SLC12A2: variants seen among roughly 807,000 people sequenced by gnomAD.
The protein encoded by SLC12A2 is solute carrier family 12 member 2.
SLC12A2 carries 67 observed loss-of-function variants against 136.3 expected under a neutral mutation model. The ratio of observed to expected loss-of-function variants is 0.49; its 90% CI spans 0.40 to 0.60. The LOEUF is 0.60. Among genes scored for constraint, SLC12A2 ranks in the 20% least tolerant of loss-of-function variants. The probability of loss-of-function intolerance (pLI) is 0.00; values close to 1 mark genes in which losing one functional copy is unlikely to be tolerated. For synonymous variants in SLC12A2, 619 were observed against 562.9 expected, an observed-to-expected ratio of 1.10 and a Z score of -1.41; for missense variants, 1,322 against 1,534.7, an observed-to-expected ratio of 0.86 and a Z score of 2.32.
chr5:128,110,083 A>C, intron 1 of SLC12A2: 1 of 949,694 alleles, frequency 1.1e-6, no homozygotes, highest in East Asian at 2.4e-5. Flanking sequence ...AACAAAGTTT[A>C]TATCAAGTCT....
chr5:128,177,957 A>G (rs1763585148), intron 21 of SLC12A2, among the ~76,000 whole-genome samples: 1 of 152,188 alleles, frequency 6.6e-6, no homozygotes, highest in Non-Finnish European at 1.5e-5. Flanking sequence ...TCTGTGGTTC[A>G]GAGAAAGATG....
chr5:128,109,399 G>A (rs1761062654), intron 1 of SLC12A2: 2 of 332,326 alleles, frequency 6.0e-6, no homozygotes, highest in Admixed American at 8.1e-5. Flanking sequence ...ATTGGCCGGT[G>A]TGCCCCTGCC....
At chr5:128,135,829 A>C in intron 7 of SLC12A2, 21 bp downstream of exon 7, 2 of 1,274,354 alleles carry the variant, frequency 1.6e-6, no homozygotes, top group South Asian at 1.2e-5. Flanking sequence ...AAGATTCAAT[A>C]TTTTTTAAGG....
At chr5:128,085,508 A>G (rs1277193883) in intron 1 of SLC12A2, among the ~76,000 whole-genome samples, 1 of 152,052 alleles carries the variant, frequency 6.6e-6, no homozygotes, top group Non-Finnish European at 1.5e-5. Flanking sequence ...TTTTGTAACT[A>G]TTTTTTATGG....
intron 4 of SLC12A2, among the ~76,000 whole-genome samples, chr5:128,118,769 A>T (rs928051678): frequency 4.6e-5 from 7 of 152,192 alleles, no homozygotes; most frequent in Admixed American, 2.0e-4. Flanking sequence ...CTTTTACTTG[A>T]TAAGAATACC....
chr5:128,147,133 TA>T (rs1435618040), intron 10 of SLC12A2, among the ~76,000 whole-genome samples: 1 of 149,656 alleles, frequency 6.7e-6, no homozygotes, highest in Non-Finnish European at 1.5e-5. Context: ...TTTTAAAAGA[TA>T]AGAAAGGACA....
chr5:128,095,602 C>A (rs1441569795), intron 1 of SLC12A2, among the ~76,000 whole-genome samples: 1 of 152,084 alleles, frequency 6.6e-6, no homozygotes, highest in Non-Finnish European at 1.5e-5. Context: ...AACCTGCGGG[C>A]CACATGTGGC....
At chr5:128,127,287 A>T (rs1044830230) in intron 4 of SLC12A2, among the ~76,000 whole-genome samples, 2 of 151,236 alleles carry the variant, frequency 1.3e-5, no homozygotes, top group African/African-American at 4.9e-5. Context: ...ACGCCCAGCT[A>T]ATTTTTTGTA....
intron 4 of SLC12A2, among the ~76,000 whole-genome samples, chr5:128,125,037 C>G (rs1175926769): frequency 6.6e-6 from 1 of 152,162 alleles, no homozygotes; most frequent in African/African-American, 2.4e-5. Flanking sequence ...ATATATATTT[C>G]TTCTTACATC....
chr5:128,112,732 A>G (rs1761199055), intron 1 of SLC12A2, 82 bp from the exon 2 acceptor site: 5 of 1,044,322 alleles, frequency 4.8e-6, no homozygotes, highest in Non-Finnish European at 7.1e-6. Flanking sequence ...ATATGGTTAG[A>G]TGTATTTAGT....
At chr5:128,086,363 T>C (rs984697812) in intron 1 of SLC12A2, among the ~76,000 whole-genome samples, 1 of 152,228 alleles carries the variant, frequency 6.6e-6, no homozygotes, top group Admixed American at 6.5e-5. Flanking sequence ...ACACCTGTAC[T>C]GTTAGTTGTA....
chr5:128,139,882 A>G (rs186169371), intron 9 of SLC12A2, among the ~76,000 whole-genome samples: 12 of 152,354 alleles, frequency 7.9e-5, no homozygotes, highest in South Asian at 6.2e-4. Flanking sequence ...TAATAGCAGA[A>G]TTATATTTAT....
rs1762572259 is a variant in SLC12A2 at position 128,147,648 on chromosome 5, A to G, written c.1800A>G (p.Thr600=). 3.7e-6 allele frequency: 6 copies of G among 1,609,316 alleles called. No homozygotes were observed. The highest frequency in any genetic ancestry group is 1.7e-5 in the Admixed American group (1 of 59,852). The part of the protein sequence containing the change: ...FQVMSMVSGF[T]PLISAGIFSA... ...TAATGAGTATGGTGTCAGGATTTAC[A>G]CCACTAATTTCTGCAGGTATATTTT... The change falls in exon 11 of 27, where the codon ACA becomes ACG. Residue 600 remains threonine (T), a synonymous_variant. Transcript: ENST00000262461.
intron 17 of SLC12A2, 24 bp from the exon 18 acceptor site, chr5:128,167,737 A>G: frequency 6.8e-7 from 1 of 1,464,318 alleles, no homozygotes; most frequent in South Asian, 1.2e-5. Flanking sequence ...ATATCTGTAA[A>G]GTTATATTGA....
chr5:128,171,212 C>T (rs1763366487), intron 18 of SLC12A2: 1 of 153,282 alleles, frequency 6.5e-6, no homozygotes, highest in Non-Finnish European at 1.4e-5. Context: ...GTTAAAATTC[C>T]CTCAGTCTTT....
intron 5 of SLC12A2, among the ~76,000 whole-genome samples, chr5:128,133,386 A>T (rs970524604): frequency 3.3e-5 from 5 of 151,916 alleles, no homozygotes; most frequent in African/African-American, 1.2e-4. Flanking sequence ...AATTCAAGTA[A>T]TTTTTTTCCT....
intron 1 of SLC12A2, among the ~76,000 whole-genome samples, chr5:128,103,340 C>T (rs576108469): frequency 1.3e-5 from 2 of 152,282 alleles, no homozygotes; most frequent in East Asian, 3.9e-4. Context: ...AAATAACTTG[C>T]CAAAGCACAC....
At position 128,187,040 on chromosome 5, in the gene SLC12A2, GTTT is replaced by G. The variant is rs555947464; in HGVS notation, c.*412_*414del. 315 of 160,068 alleles carry G rather than the reference GTTT, an allele frequency of 2.0e-3. 1 individual carries two copies. Among genetic ancestry groups the G allele is most frequent in the Non-Finnish European group, 3.5e-3 (255 of 72,234 alleles). 9.9% of individuals were successfully genotyped at this position (160,068 alleles called of 1,614,324 possible). ...AGAATGTCAAACTTTGCCTTCAACT[GTTT>G]TTATTTCTAGTCTCTTCCACTTTAA... On this transcript the variant is annotated 3_prime_UTR_variant, in exon 27 of 27. Coordinates refer to ENST00000262461, the MANE Select transcript of SLC12A2 (RefSeq NM_001046.3).
At chr5:128,118,009 G>A (rs768436576) in intron 4 of SLC12A2, among the ~76,000 whole-genome samples, 9 of 151,758 alleles carry the variant, frequency 5.9e-5, no homozygotes, top group Non-Finnish European at 1.0e-4. Flanking sequence ...TTAAAACCTC[G>A]ATGAGATACC....
Sources: gnomAD v4.1 joint callset for allele counts (sites outside exome capture counted in the v4.1 genomes callset) on GRCh38, gnomAD v4.1.1 for gene constraint, MANE v1.5 for transcripts, NCBI Gene and HGNC (gene_info 2026-07-23, HGNC 2026-07-21) for gene names.